Variants in GRID2 observed in about 807,000 individuals in gnomAD.
GRID2 encodes glutamate ionotropic receptor delta type subunit 2.
Under a neutral mutation model 114.8 loss-of-function variants are expected in GRID2, and 33 were observed. The ratio of observed to expected loss-of-function variants is 0.29; its 90% CI spans 0.22 to 0.38. The LOEUF is 0.38. GRID2 is among the 10% of genes least tolerant of loss of function. The pLI, the probability that GRID2 is intolerant of heterozygous loss-of-function variation, is 1.00. For missense variants in GRID2, 1,184 were observed against 1,257.7 expected (o/e 0.94, Z 0.89); for synonymous variants, 505 against 449.9 (o/e 1.12, Z -1.55).
intron 1 of GRID2, among the ~76,000 whole-genome samples, chr4:92,425,166 T>A (rs2110331145): frequency 6.6e-6 from 1 of 152,106 alleles, no homozygotes; most frequent in Non-Finnish European, 1.5e-5. Flanking sequence ...AGGAAGATGA[T>A]TTTTTTCCAC....
intron 2 of GRID2, among the ~76,000 whole-genome samples, chr4:92,914,278 A>G (rs1748618741): frequency 6.6e-6 from 1 of 152,112 alleles, no homozygotes; most frequent in Non-Finnish European, 1.5e-5. Flanking sequence ...ATTGGGTAAA[A>G]TGCTTGGTAA....
chr4:92,617,176 T>G (rs1292559706), intron 2 of GRID2, among the ~76,000 whole-genome samples: 1 of 151,408 alleles, frequency 6.6e-6, no homozygotes, highest in Non-Finnish European at 1.5e-5. Flanking sequence ...TCTAATTTTG[T>G]GTCTGTGTAC....
chr4:93,412,330 GA>G (rs34357676), intron 9 of GRID2, among the ~76,000 whole-genome samples: 56,780 of 151,372 alleles, frequency 0.38, 11,586 homozygotes, highest in East Asian at 0.68. Flanking sequence ...GGAGGTTGAG[GA>G]TGTAATGAGC....
chr4:92,401,845 G>A (rs997578027), intron 1 of GRID2, among the ~76,000 whole-genome samples: 6 of 152,148 alleles, frequency 3.9e-5, no homozygotes, highest in Non-Finnish European at 7.4e-5. Context: ...AATGAAGTTT[G>A]CCACATCAGT....
chr4:92,815,648 C>T (rs995174526), intron 2 of GRID2, among the ~76,000 whole-genome samples: 1 of 151,920 alleles, frequency 6.6e-6, no homozygotes, highest in Non-Finnish European at 1.5e-5. Flanking sequence ...TGTAGTGGCT[C>T]ATACCTGTAA....
intron 9 of GRID2, among the ~76,000 whole-genome samples, chr4:93,398,431 C>T (rs1396433857): frequency 1.3e-5 from 2 of 151,420 alleles, no homozygotes; most frequent in Non-Finnish European, 2.9e-5. Flanking sequence ...ATTATACTGT[C>T]TCCAGTCCTA....
chr4:92,666,658 T>A (rs1051966947), intron 2 of GRID2, among the ~76,000 whole-genome samples: 1 of 130,818 alleles, frequency 7.6e-6, no homozygotes, highest in Admixed American at 7.6e-5. Context: ...TTGTTTTTTT[T>A]TTTTTTTTTT....
chr4:92,673,409 TA>T (rs1172854574), intron 2 of GRID2, among the ~76,000 whole-genome samples: 2 of 152,186 alleles, frequency 1.3e-5, no homozygotes, highest in African/African-American at 4.8e-5. Context: ...AGTTGTTGTT[TA>T]GATAAATGAG....
rs1167704817 is a variant in GRID2 at position 93,610,921 on chromosome 4, T to C, written c.2194-15348T>C. ...TTCCTCCTTGTACTTCCGGTAGAAT[T>C]TGGCTGTGAATCCATCTGGTCCTGG... On this transcript the variant is annotated intron_variant, in intron 13 of 15. Transcript: ENST00000282020. 1.2e-4 allele frequency among the ~76,000 whole-genome samples: 17 copies of C among 140,670 alleles called. 2 individuals carry two copies. Among genetic ancestry groups the C allele is most frequent in the African/African-American group, 4.6e-4 (16 of 34,492 alleles). 92.3% of individuals were successfully genotyped at this position (140,670 alleles called of 152,430 possible).
intron 2 of GRID2, among the ~76,000 whole-genome samples, chr4:92,788,983 A>G (rs1361664869): frequency 6.6e-6 from 1 of 151,920 alleles, no homozygotes; most frequent in Non-Finnish European, 1.5e-5. Flanking sequence ...AATTTAAAGC[A>G]TATTTTAATA....
intron 14 of GRID2, among the ~76,000 whole-genome samples, chr4:93,745,497 ATCTT>A (rs957272351): frequency 2.6e-5 from 4 of 152,170 alleles, no homozygotes; most frequent in African/African-American, 9.6e-5. Flanking sequence ...GGGATGAGGA[ATCTT>A]TTTTTTTTGG....
intron 2 of GRID2, among the ~76,000 whole-genome samples, chr4:93,082,666 A>T (rs1009053767): frequency 6.6e-6 from 1 of 152,288 alleles, no homozygotes; most frequent in East Asian, 1.9e-4. Context: ...GCCTGACATT[A>T]TATGCTTTCT....
In GRID2 at chr4:92,845,100, T is replaced by C. The variant is rs953098564; in HGVS notation, c.245-239895T>C. Among the ~76,000 whole-genome samples, 6 of 152,184 alleles carry C rather than the reference T, an allele frequency of 3.9e-5. No homozygotes were observed. The East Asian group carries it at 9.7e-4, about 25-fold the overall frequency. Reference sequence around the variant, plus strand: ...GAGGATAATAATATCTCAGATAATATTGTGAAAATAGTCCTGACTTGATGG... The same window carrying C: ...GAGGATAATAATATCTCAGATAATACTGTGAAAATAGTCCTGACTTGATGG... On this transcript the variant is annotated intron_variant, in intron 2 of 15. Coordinates refer to ENST00000282020, the MANE Select transcript of GRID2 (RefSeq NM_001510.4).
chr4:92,866,090 C>A (rs1242492250), intron 2 of GRID2, among the ~76,000 whole-genome samples: 2 of 152,138 alleles, frequency 1.3e-5, no homozygotes, highest in East Asian at 3.9e-4. Flanking sequence ...ACCTGAAAAA[C>A]TCTCTTGGTC....
At chr4:93,617,626 A>G (rs952025382) in intron 13 of GRID2, among the ~76,000 whole-genome samples, 3 of 152,126 alleles carry the variant, frequency 2.0e-5, no homozygotes, top group African/African-American at 7.2e-5. Context: ...TGGTATTATA[A>G]TCATTCTCAT....
chr4:92,998,672 T>TA (rs1179947204), intron 2 of GRID2, among the ~76,000 whole-genome samples: 1 of 151,778 alleles, frequency 6.6e-6, no homozygotes, highest in Non-Finnish European at 1.5e-5. Context: ...AGAGGGTCCA[T>TA]AGCTCTTGTC....
chr4:93,083,355 A>G (rs1004412575), intron 2 of GRID2, among the ~76,000 whole-genome samples: 3 of 152,120 alleles, frequency 2.0e-5, no homozygotes, highest in Non-Finnish European at 4.4e-5. Context: ...TGACTAGAAC[A>G]TATGATTTTT....
At chr4:92,793,031 C>T (rs1055665727) in intron 2 of GRID2, among the ~76,000 whole-genome samples, 8 of 150,782 alleles carry the variant, frequency 5.3e-5, no homozygotes, top group Non-Finnish European at 1.0e-4. Flanking sequence ...TAACATTTTG[C>T]GTAAAGAGAG....
At chr4:93,606,573 A>G (rs1740260913) in intron 13 of GRID2, among the ~76,000 whole-genome samples, 1 of 152,198 alleles carries the variant, frequency 6.6e-6, no homozygotes, top group Admixed American at 6.5e-5. Context: ...GCACATACCT[A>G]TTAACAGTGG....
Sources: allele counts gnomAD v4.1 joint callset (sites outside exome capture counted in the v4.1 genomes callset), GRCh38; gene constraint gnomAD v4.1.1; transcripts MANE v1.5; gene names NCBI Gene and HGNC (gene_info 2026-07-23, HGNC 2026-07-21).